VTI1A: variants seen among roughly 807,000 people sequenced by gnomAD.
VTI1A encodes the protein vesicle transport through interaction with t-SNAREs 1A.
VTI1A carries 22 observed loss-of-function variants against 34.9 expected under a neutral mutation model. The ratio of observed to expected loss-of-function variants is 0.63; its 90% confidence interval spans 0.45 to 0.90. VTI1A has a LOEUF of 0.90. VTI1A is among the 40% of genes least tolerant of loss of function. The pLI, the probability that VTI1A is intolerant of heterozygous loss-of-function variation, is 0.00. For missense variants in VTI1A, 268 were observed against 275.6 expected, an observed-to-expected ratio of 0.97 and a Z score of 0.20; for synonymous variants, 87 against 97.3, an observed-to-expected ratio of 0.89 and a Z score of 0.62.
At chr10:112,645,796 T>TAA (rs1331084740) in intron 5 of VTI1A, among the ~76,000 whole-genome samples, 1 of 152,220 alleles carries the variant, frequency 6.6e-6, no homozygotes, top group Non-Finnish European at 1.5e-5. Flanking sequence ...TTCTTGCTTT[T>TAA]AATGTTCTCC....
chr10:112,658,114 G>A (rs1490615949), intron 5 of VTI1A, among the ~76,000 whole-genome samples: 1 of 151,998 alleles, frequency 6.6e-6, no homozygotes, highest in Non-Finnish European at 1.5e-5. Flanking sequence ...CAGAGACAGG[G>A]TCTCACTCTG....
intron 7 of VTI1A, among the ~76,000 whole-genome samples, chr10:112,730,355 C>G (rs1302379029): frequency 2.0e-5 from 3 of 152,130 alleles, no homozygotes; most frequent in Non-Finnish European, 4.4e-5. Flanking sequence ...TTCAGCACAA[C>G]TTTGTAAAGT....
At chr10:112,575,197 A>G (rs2134378236) in intron 5 of VTI1A, among the ~76,000 whole-genome samples, 1 of 152,294 alleles carries the variant, frequency 6.6e-6, no homozygotes, top group South Asian at 2.1e-4. Context: ...TGAATGATTG[A>G]TTTCTCTTTT....
intron 5 of VTI1A, among the ~76,000 whole-genome samples, chr10:112,563,339 A>C (rs1041254958): frequency 6.6e-6 from 1 of 152,204 alleles, no homozygotes; most frequent in African/African-American, 2.4e-5. Context: ...ACTAAGTTCA[A>C]CTTGCAGACC....
chr10:112,486,306 C>G (rs545400423), intron 3 of VTI1A, among the ~76,000 whole-genome samples: 10 of 152,276 alleles, frequency 6.6e-5, no homozygotes, highest in Admixed American at 6.5e-4. Flanking sequence ...TGCAGGTTAA[C>G]TACACTTTGG....
At chr10:112,475,673 A>C (rs74729024) in intron 3 of VTI1A, among the ~76,000 whole-genome samples, 7,585 of 152,222 alleles carry the variant, frequency 0.05, 379 homozygotes, top group African/African-American at 0.13. Context: ...ATTATTATCA[A>C]CTTTGTTTGC....
intron 5 of VTI1A, among the ~76,000 whole-genome samples, chr10:112,624,450 T>C (rs1845844462): frequency 6.6e-6 from 1 of 152,194 alleles, no homozygotes; most frequent in African/African-American, 2.4e-5. Flanking sequence ...TTTCATTTTT[T>C]ATGTCTTATT....
chr10:112,697,492 G>A (rs893376864), intron 7 of VTI1A, among the ~76,000 whole-genome samples: 2 of 150,860 alleles, frequency 1.3e-5, no homozygotes, highest in Non-Finnish European at 2.9e-5. Context: ...TGCCTCCCAG[G>A]TTCAAGCAAT....
chr10:112,618,524 T>TATATATATATAG (rs748276058), intron 5 of VTI1A, among the ~76,000 whole-genome samples: 4 of 34,582 alleles, frequency 1.2e-4, no homozygotes, highest in Non-Finnish European at 1.3e-4. Context: ...TATATATATA[T>TATATATATATAG]AGAGAGAGAG....
intron 5 of VTI1A, among the ~76,000 whole-genome samples, chr10:112,636,791 A>G (rs1846371506): frequency 6.6e-6 from 1 of 152,018 alleles, no homozygotes; most frequent in Non-Finnish European, 1.5e-5. Context: ...GTGTATTACT[A>G]GAGGGTGCAG....
intron 3 of VTI1A, among the ~76,000 whole-genome samples, chr10:112,508,120 A>G (rs963648721): frequency 1.3e-5 from 2 of 152,190 alleles, no homozygotes; most frequent in African/African-American, 4.8e-5. Context: ...TATTCTTTAC[A>G]TAGCCCTGCC....
chr10:112,496,753 G>A (rs1849040272), intron 3 of VTI1A, among the ~76,000 whole-genome samples: 1 of 152,170 alleles, frequency 6.6e-6, no homozygotes, highest in Non-Finnish European at 1.5e-5. Context: ...CTGATATGCT[G>A]CTGACAAAGG....
the VTI1A span, chr10:112,823,983 A>G: frequency 2.6e-5 from 4 of 152,266 alleles, no homozygotes; most frequent in African/African-American, 9.6e-5. Context: ...GCACCTAGCA[A>G]ATTGGTAACA....
chr10:112,626,264 A>G (rs944786663), intron 5 of VTI1A, among the ~76,000 whole-genome samples: 1 of 152,206 alleles, frequency 6.6e-6, no homozygotes, highest in African/African-American at 2.4e-5. Context: ...CATGAAATCA[A>G]AAACAATTAT....
At chr10:112,448,401 T>C (rs143166626) in intron 1 of VTI1A, 2 of 152,350 alleles carry the variant, frequency 1.3e-5, no homozygotes, top group African/African-American at 2.4e-5. Flanking sequence ...TTTTCTATGC[T>C]AGACTGTCAA....
At chr10:112,610,272 T>C (rs1845247380) in intron 5 of VTI1A, among the ~76,000 whole-genome samples, 1 of 151,896 alleles carries the variant, frequency 6.6e-6, no homozygotes, top group Non-Finnish European at 1.5e-5. Flanking sequence ...GGAGTGTCTG[T>C]AAGAGCTTCA....
chr10:112,541,625 C>T (rs1481283105), intron 5 of VTI1A, among the ~76,000 whole-genome samples: 1 of 152,134 alleles, frequency 6.6e-6, no homozygotes, highest in African/African-American at 2.4e-5. Context: ...GAATAGAATG[C>T]ACATTATAGG....
At chr10:112,502,829 G>A (rs190981934) in intron 3 of VTI1A, among the ~76,000 whole-genome samples, 17 of 152,162 alleles carry the variant, frequency 1.1e-4, no homozygotes, top group Admixed American at 1.0e-3. Flanking sequence ...TGGTAATTTA[G>A]GATTAAACTT....
intron 5 of VTI1A, among the ~76,000 whole-genome samples, chr10:112,583,158 A>G (rs1268515873): frequency 6.6e-6 from 1 of 152,180 alleles, no homozygotes; most frequent in Non-Finnish European, 1.5e-5. Flanking sequence ...TTGGAGCTCA[A>G]CTCGTACTTT....
Sources: allele counts gnomAD v4.1 joint callset (sites outside exome capture counted in the v4.1 genomes callset), GRCh38; gene constraint gnomAD v4.1.1; transcripts MANE v1.5; gene names NCBI Gene and HGNC (gene_info 2026-07-23, HGNC 2026-07-21).